The following CCDC85C variants were observed in gnomAD, a reference collection of about 807,000 sequenced individuals.
CCDC85C encodes the protein coiled-coil domain-containing protein 85C.
Under a neutral mutation model 38.3 loss-of-function variants are expected in CCDC85C, and 18 were observed. The ratio of observed to expected loss-of-function variants is 0.47; its 90% CI spans 0.33 to 0.70. The LOEUF (loss-of-function observed/expected upper bound fraction) is 0.70, where lower values mean the gene tolerates loss of function less well. Among genes scored for constraint, CCDC85C ranks in the 30% least tolerant of loss-of-function variants. The probability of loss-of-function intolerance (pLI) is 0.03; values close to 1 mark genes in which losing one functional copy is unlikely to be tolerated. For synonymous variants in CCDC85C, 264 were observed against 293.8 expected (o/e 0.90, Z 1.04); for missense variants, 566 against 621.2 (o/e 0.91, Z 0.94).
intron 2 of CCDC85C, among the ~76,000 whole-genome samples, chr14:99,532,764 GTTCTTC>G (rs770013937): frequency 2.4e-4 from 35 of 146,246 alleles, no homozygotes; most frequent in Non-Finnish European, 1.6e-4. Flanking sequence ...AGCTCCTCTG[GTTCTTC>G]TTCTTCTTCT....
At position 99,502,367 on chromosome 14, in the gene CCDC85C, G is replaced by A. The variant is rs750789680; in HGVS notation, c.*12879C>T. On this transcript the variant is annotated 3_prime_UTR_variant, in exon 6 of 6. Transcript: ENST00000380243. ...GTTTGTTCAAGATGTCCCGGTCGAC[G>A]TTTTGGAAGGTACCAGGCATGCTAA... 48 of 1,613,468 alleles carry A rather than the reference G, an allele frequency of 3.0e-5. No homozygotes were observed. In the East Asian group the frequency reaches 4.5e-4, roughly 15 times the overall value.
Position 99,517,187 on chromosome 14 carries a change from G to A in CCDC85C, c.976-4C>T, listed in dbSNP as rs950215832. ...CAGGTGCGGGGCAGGCCGGGCCCTG[G>A]GGAAGGCAATCACACATCTCAGCTC... On this transcript the variant is annotated splice_polypyrimidine_tract_variant and splice_region_variant and intron_variant, in intron 3 of 5. Transcript: ENST00000380243. 6 of 1,538,290 alleles carry A rather than the reference G, an allele frequency of 3.9e-6. No homozygotes were observed. Among genetic ancestry groups the A allele is most frequent in the Admixed American group, 2.0e-5 (1 of 50,082 alleles).
intron 1 of CCDC85C, among the ~76,000 whole-genome samples, chr14:99,563,220 ACTGGGAGGCCAGGCATCCT>A (rs1404379657): frequency 6.6e-6 from 1 of 152,230 alleles, no homozygotes; most frequent in Non-Finnish European, 1.5e-5. Context: ...GACTGGGTGC[ACTGGGAGGCCAGGCATCCT>A]CCCTCCTGCT....
chr14:99,591,620 T>C (rs1171576428), intron 1 of CCDC85C, among the ~76,000 whole-genome samples: 1 of 151,862 alleles, frequency 6.6e-6, no homozygotes, highest in African/African-American at 2.4e-5. Context: ...CAAGTGGTCC[T>C]GGGGCCACAA....
Position 99,533,560 on chromosome 14 carries a change from A to T in CCDC85C, c.867+2455T>A, listed in dbSNP as rs1190068672. Among the ~76,000 whole-genome samples the T allele has an allele frequency of 6.6e-6, 1 of 152,260 alleles. No individual in the cohort carries two copies. Among genetic ancestry groups the T allele is most frequent in the Non-Finnish European group, 1.5e-5 (1 of 68,046 alleles). ...CCTAAATTCCAGTCCAACTGCCTGCAGCCAGCAAGCCTGTGTCCAGGCAAG... is the reference window on the plus strand; with the variant it reads ...CCTAAATTCCAGTCCAACTGCCTGCTGCCAGCAAGCCTGTGTCCAGGCAAG... On this transcript the variant is annotated intron_variant, in intron 2 of 5. Coordinates refer to ENST00000380243, the MANE Select transcript of CCDC85C (RefSeq NM_001144995.2). This position sits in a 1 kb window ranked among gnomAD's most constrained non-coding sequence, Gnocchi z 4.2.
intron 1 of CCDC85C, among the ~76,000 whole-genome samples, chr14:99,542,472 T>G (rs1004846250): frequency 2.0e-5 from 3 of 152,156 alleles, no homozygotes; most frequent in Admixed American, 6.5e-5. Flanking sequence ...CACACATTAG[T>G]CCTCAACATT....
chr14:99,603,850 C>T lies in CCDC85C; in HGVS notation c.110G>A (p.Arg37His), dbSNP rs1479432518. 7.3e-6 allele frequency: 11 copies of T among 1,516,810 alleles called. No individual in the cohort carries two copies. In the Admixed American group the frequency reaches 1.6e-4, roughly 22 times the overall value. The allele number at this position is 1,516,810 out of a possible 1,614,324, so 94.0% of individuals were successfully genotyped here. The change falls in exon 1 of 6, where the codon CGC becomes CAC. Residue 37 changes from arginine to histidine, a missense_variant. Arg to His is a conservative substitution (Grantham distance 29, BLOSUM62 0). Around this residue, in one of 3 missense-constraint regions of CCDC85C, gnomAD observed 269 missense variants for 308.2 expected, o/e 0.87. Coordinates refer to ENST00000380243, the MANE Select transcript of CCDC85C (RefSeq NM_001144995.2). The surrounding 1 kb of genome is among the most constrained non-coding windows in gnomAD (Gnocchi z 7.5). ...GAGGCCCACCTTCTCGCCCTCGGCG[C>T]GCCGCAGCCGCCGCGCCAGCTCCTC... ...SKEELARRLR[R>H]AEGEKVGLML...
chr14:99,543,093 G>C (rs1290734556), intron 1 of CCDC85C, among the ~76,000 whole-genome samples: 1 of 152,224 alleles, frequency 6.6e-6, no homozygotes, highest in African/African-American at 2.4e-5. Context: ...CACAGTCCAG[G>C]CTACCAGTGG....
rs1003906390 is a variant in CCDC85C, at chr14:99,569,873, G to A, written c.793+33294C>T. Among the ~76,000 whole-genome samples, 21 of 152,164 alleles carry A rather than the reference G, an allele frequency of 1.4e-4. No individual in the cohort carries two copies. The highest frequency in any genetic ancestry group is 4.8e-4 in the African/African-American group (20 of 41,520). On this transcript the variant is annotated intron_variant, in intron 1 of 5. Transcript: ENST00000380243. This position sits in a 1 kb window ranked among gnomAD's most constrained non-coding sequence, Gnocchi z 4.3. ...CAACTTTGGGAAGCTGAGGCGGGAG[G>A]ATAGCATGAGCCCAGGAGGTCAAGG...
At position 99,516,564 on chromosome 14, in the gene CCDC85C, G is replaced by C. The variant is rs116497798; in HGVS notation, c.1072-278C>G. ...AGACCCTCAGACAGGTGGACTCACTGCAACCCAGGGCCCGCTGGAGATGAG... is the reference window on the plus strand; with the variant it reads ...AGACCCTCAGACAGGTGGACTCACTCCAACCCAGGGCCCGCTGGAGATGAG... On this transcript the variant is annotated intron_variant, in intron 4 of 5. Coordinates refer to ENST00000380243, the MANE Select transcript of CCDC85C (RefSeq NM_001144995.2). The surrounding 1 kb of genome is among the most constrained non-coding windows in gnomAD (Gnocchi z 5.5). Among the ~76,000 whole-genome samples, 835 of 152,296 alleles carry C rather than the reference G, an allele frequency of 5.5e-3. 7 individuals carry two copies. The highest frequency in any genetic ancestry group is 0.019 in the African/African-American group (799 of 41,550).
Position 99,554,042 on chromosome 14 carries a change from C to CCT in CCDC85C, c.794-17956_794-17955dup, listed in dbSNP as rs1387361281. Among the ~76,000 whole-genome samples, 9 of 152,228 alleles carry CCT rather than the reference C, an allele frequency of 5.9e-5. No individual in the cohort carries two copies. In the East Asian group the frequency reaches 1.5e-3, roughly 26 times the overall value. On this transcript the variant is annotated intron_variant, in intron 1 of 5. Coordinates refer to ENST00000380243, the MANE Select transcript of CCDC85C (RefSeq NM_001144995.2). ...TCTTGCTCTCAGAGCTGCTGCAGACCCTCTCCCCGCCACCCAGTGTGGTCG... is the reference window on the plus strand; with the variant it reads ...TCTTGCTCTCAGAGCTGCTGCAGACCCTCTCTCCCCGCCACCCAGTGTGGTCG...
chr14:99,526,342 C>T (rs144271280), intron 2 of CCDC85C, among the ~76,000 whole-genome samples: 1 of 152,366 alleles, frequency 6.6e-6, no homozygotes, highest in East Asian at 1.9e-4. Context: ...ACTAACAATG[C>T]CTCTGCCCTG....
intron 1 of CCDC85C, among the ~76,000 whole-genome samples, chr14:99,551,760 T>C (rs35741827): frequency 0.58 from 87,008 of 151,102 alleles, 25,688 homozygotes; most frequent in African/African-American, 0.71. Context: ...TGAGTAAGCA[T>C]GCAGCAGGCA....
rs1333591742 is a variant in CCDC85C, at chr14:99,572,513, C to A, written c.793+30654G>T. Among the ~76,000 whole-genome samples the A allele has an allele frequency of 6.6e-6, 1 of 151,478 alleles. No individual in the cohort carries two copies. Among genetic ancestry groups the A allele is most frequent in the Non-Finnish European group, 1.5e-5 (1 of 67,942 alleles). ...CGCCAGGCTTTAGATAAAATCCCAACCCCAATAGCTCCTCCTACCCTGCCC... is the reference window on the plus strand; with the variant it reads ...CGCCAGGCTTTAGATAAAATCCCAAACCCAATAGCTCCTCCTACCCTGCCC... On this transcript the variant is annotated intron_variant, in intron 1 of 5. Transcript: ENST00000380243. This position sits in a 1 kb window ranked among gnomAD's most constrained non-coding sequence, Gnocchi z 4.4.
rs1330442370 is a variant in CCDC85C at position 99,533,960 on chromosome 14, T to C, written c.867+2055A>G. Among the ~76,000 whole-genome samples, 1 of 152,224 alleles carries C rather than the reference T, an allele frequency of 6.6e-6. No individual in the cohort carries two copies. Among genetic ancestry groups the C allele is most frequent in the Non-Finnish European group, 1.5e-5 (1 of 68,046 alleles). The stretch of plus-strand genomic sequence containing the variant: ...GGGGTGTATTTTTCCAGTGGGACAC[T>C]GTGGCCTGCAGGGGCCAAGGGATCA... On this transcript the variant is annotated intron_variant, in intron 2 of 5. Coordinates refer to ENST00000380243, the MANE Select transcript of CCDC85C (RefSeq NM_001144995.2). The surrounding 1 kb of genome is among the most constrained non-coding windows in gnomAD (Gnocchi z 4.2).
intron 1 of CCDC85C, among the ~76,000 whole-genome samples, chr14:99,539,324 G>T (rs1897666154): frequency 1.3e-5 from 2 of 151,976 alleles, no homozygotes; most frequent in Admixed American, 1.3e-4. Flanking sequence ...TATAAAATTA[G>T]CTGGGCGTGA....
At chr14:99,573,743 A>G (rs1218083894) in intron 1 of CCDC85C, among the ~76,000 whole-genome samples, 1 of 152,208 alleles carries the variant, frequency 6.6e-6, no homozygotes, top group Non-Finnish European at 1.5e-5. Context: ...GACACAGGGC[A>G]GAGGTGCTGC....
Position 99,561,879 on chromosome 14 carries a change from G to A in CCDC85C, c.794-25791C>T, listed in dbSNP as rs539258160. Among the ~76,000 whole-genome samples, 9 of 152,304 alleles carry A rather than the reference G, an allele frequency of 5.9e-5. No individual in the cohort carries two copies. In the East Asian group the frequency reaches 9.7e-4, roughly 16 times the overall value. On this transcript the variant is annotated intron_variant, in intron 1 of 5. Coordinates refer to ENST00000380243, the MANE Select transcript of CCDC85C (RefSeq NM_001144995.2). ...CGCTACGGCGTTGGTGAGATTAAACGAAACTCCACTCAGTAGGGAATGGCA... is the reference window on the plus strand; with the variant it reads ...CGCTACGGCGTTGGTGAGATTAAACAAAACTCCACTCAGTAGGGAATGGCA...
Position 99,510,280 on chromosome 14 carries a change from C to T in CCDC85C, c.*4966G>A, listed in dbSNP as rs750096195. On this transcript the variant is annotated 3_prime_UTR_variant, in exon 6 of 6. Coordinates refer to ENST00000380243, the MANE Select transcript of CCDC85C (RefSeq NM_001144995.2). ...CACCCGGCCCCTGTGCACCAGCCAC[C>T]GCCGCTGCCACACCGGCCCCCGCCC... 1.1e-5 allele frequency: 18 copies of T among 1,565,390 alleles called. No homozygotes were observed. The African/African-American group carries it at 1.4e-4, about 12-fold the overall frequency.
Sources: allele counts gnomAD v4.1 joint callset (sites outside exome capture counted in the v4.1 genomes callset), GRCh38; gene constraint gnomAD v4.1.1; regional missense constraint gnomAD v4.1.1; non-coding constraint Gnocchi (gnomAD v3.1); transcripts MANE v1.5; gene names NCBI Gene and HGNC (gene_info 2026-07-23, HGNC 2026-07-21).